The following ALDH16A1 variants were observed in gnomAD, a reference collection of about 807,000 sequenced individuals.
ALDH16A1 encodes aldehyde dehydrogenase family 16 member A1.
Under a neutral mutation model 96.1 loss-of-function variants are expected in ALDH16A1, and 88 were observed. That is an observed-to-expected ratio of 0.92 (90% confidence interval 0.77 to 1.09). ALDH16A1 has a LOEUF of 1.09. Among genes scored for constraint, ALDH16A1 ranks in the 50% least tolerant of loss-of-function variants. The probability of loss-of-function intolerance (pLI) is 0.00; values close to 1 mark genes in which losing one functional copy is unlikely to be tolerated. For synonymous variants in ALDH16A1, 522 were observed against 496.4 expected, an observed-to-expected ratio of 1.05 and a Z score of -0.69; for missense variants, 1,250 against 1,112.6, an observed-to-expected ratio of 1.12 and a Z score of -1.76.
At chr19:49,457,344 A>C (rs1205189588) in intron 1 of ALDH16A1, among the ~76,000 whole-genome samples, 2 of 151,818 alleles carry the variant, frequency 1.3e-5, no homozygotes, top group South Asian at 2.1e-4. Context: ...TCAGGAGATC[A>C]AGACCATCCT....
At position 49,465,836 on chromosome 19, in the gene ALDH16A1, G is replaced by A. The variant is rs1202810462; in HGVS notation, c.1667G>A (p.Gly556Asp). The A allele has an allele frequency of 7.4e-6, 12 of 1,614,030 alleles. No individual in the cohort carries two copies. The highest frequency in any genetic ancestry group is 4.4e-5 in the South Asian group (4 of 91,088). The change falls in exon 13 of 17, where the codon GGC becomes GAC. Residue 556 changes from glycine (G) to aspartate (D), a missense_variant. Coordinates refer to ENST00000293350, the MANE Select transcript of ALDH16A1 (RefSeq NM_153329.4). ...CGGGATTCGTCTGGCAACCTCCATGGCTACGTGGCTGAGGGTGGAGCCAAG... is the reference window on the plus strand; with the variant it reads ...CGGGATTCGTCTGGCAACCTCCATGACTACGTGGCTGAGGGTGGAGCCAAG... The part of the protein sequence containing the change: ...PIRDSSGNLH[G>D]YVAEGGAKDI...
At position 49,453,395 on chromosome 19, in the gene ALDH16A1, G is replaced by A; in HGVS notation, c.64G>A (p.Val22Met). The A allele has an allele frequency of 6.4e-7, 1 of 1,559,784 alleles. No individual in the cohort carries two copies. The highest frequency in any genetic ancestry group is 8.7e-7 in the Non-Finnish European group (1 of 1,154,512). Residue 22 changes from valine to methionine, a missense_variant, in exon 1 of 17, where the codon GTG (valine) becomes ATG (methionine). Val to Met is a conservative substitution (Grantham distance 21). Transcript: ENST00000293350. ...CTTCACCTCGCTGGAGTACGGACCGGTGCCGGAGAGCCACGCATGCGCACT... is the reference window on the plus strand; with the variant it reads ...CTTCACCTCGCTGGAGTACGGACCGATGCCGGAGAGCCACGCATGCGCACT... ...EIFTSLEYGP[V>M]PESHACALAW...
At chr19:49,460,740 C>A (rs2122382223) in intron 4 of ALDH16A1, 82 bp from the exon 5 acceptor site, 1 of 1,076,318 alleles carries the variant, frequency 9.3e-7, no homozygotes, top group Non-Finnish European at 1.4e-6. Flanking sequence ...CCTAATGTAG[C>A]CATGGGGTCT....
Position 49,466,092 on chromosome 19 carries a change from C to T in ALDH16A1, c.1747C>T (p.Gln583Ter), listed in dbSNP as rs2079195748. Residue 583 changes from glutamine (Q) to a stop codon, truncating the protein, a stop_gained, in exon 14 of 17, where the codon CAG (glutamine) becomes TAG (stop). Coordinates refer to ENST00000293350, the MANE Select transcript of ALDH16A1 (RefSeq NM_153329.4). LOFTEE classifies it high-confidence loss of function. Reference protein sequence around the residue: ...AHQAFPGWAGQSPGARAALLW... With the variant: ...AHQAFPGWAG ...GCTGTCTGCCCACAGCTGGGCGGGC[C>T]AGTCCCCAGGAGCCCGGGCAGCCCT... The T allele has an allele frequency of 1.9e-6, 3 of 1,543,868 alleles. No individual in the cohort carries two copies. Among genetic ancestry groups the T allele is most frequent in the Non-Finnish European group, 2.6e-6 (3 of 1,148,194 alleles).
At chr19:49,458,901 C>T (rs1212264431) in intron 2 of ALDH16A1, 59 bp from the exon 3 acceptor site, 6 of 1,575,870 alleles carry the variant, frequency 3.8e-6, no homozygotes, top group African/African-American at 1.4e-5. Flanking sequence ...AATCTCAGCC[C>T]CCTCCAGATA....
intron 10 of ALDH16A1, 76 bp from the exon 11 acceptor site, chr19:49,464,341 C>T (rs750214804): frequency 3.2e-5 from 51 of 1,570,516 alleles, no homozygotes; most frequent in Non-Finnish European, 4.2e-5. Flanking sequence ...GGTCGCTCCC[C>T]GCGCCTTTAA....
intron 9 of ALDH16A1, 89 bp downstream of exon 9, chr19:49,464,038 G>A (rs2079176170): frequency 7.0e-6 from 11 of 1,575,850 alleles, no homozygotes; most frequent in Admixed American, 1.8e-5. Context: ...GTAACCATGT[G>A]ACCTGGGCGT....
At chr19:49,470,261 A>G (rs2079233833) in intron 16 of ALDH16A1, 45 bp from the exon 17 acceptor site, 5 of 1,607,752 alleles carry the variant, frequency 3.1e-6, no homozygotes, top group Non-Finnish European at 4.2e-6. Context: ...GGTGCTCAGC[A>G]ACAAGCCTGC....
intron 5 of ALDH16A1, 119 bp downstream of exon 5, chr19:49,461,018 C>T (rs1476210825): frequency 1.8e-6 from 2 of 1,120,804 alleles, no homozygotes; most frequent in African/African-American, 1.5e-5. Flanking sequence ...TGGAAGGAGT[C>T]TGTGGGAGGA....
intron 7 of ALDH16A1, 81 bp downstream of exon 7, chr19:49,462,117 G>A: frequency 7.0e-7 from 1 of 1,422,926 alleles, no homozygotes; most frequent in Non-Finnish European, 9.2e-7. Flanking sequence ...CCGAGTCTCT[G>A]TTCATTTTAT....
At chr19:49,470,148 C>A in intron 16 of ALDH16A1, 158 bp from the exon 17 acceptor site, 1 of 848,156 alleles carries the variant, frequency 1.2e-6, no homozygotes, top group Non-Finnish European at 1.8e-6. Flanking sequence ...CTTTTCCCTA[C>A]CATCTGGAAG....
In ALDH16A1 at chr19:49,464,131, C is replaced by G. The variant is rs1045288160; in HGVS notation, c.1199C>G (p.Pro400Arg). ...PASPCAQVEVPWPVVVASPFR... is the reference protein window; with the variant it reads ...PASPCAQVEVRWPVVVASPFR... ...CCTCCCGGTCACCCCTTGCAGGTGC[C>G]GTGGCCTGTGGTCGTGGCCTCCCCC... is the stretch of plus-strand genomic sequence containing the variant. The change falls in exon 10 of 17, where the codon CCG (proline) becomes CGG (arginine). Residue 400 changes from proline to arginine, a missense_variant. By Grantham distance (103) the Pro-to-Arg change is moderately radical (BLOSUM62 -2). Coordinates refer to ENST00000293350, the MANE Select transcript of ALDH16A1 (RefSeq NM_153329.4). 1 of 1,607,724 alleles carries G rather than the reference C, an allele frequency of 6.2e-7. No individual in the cohort carries two copies. Among genetic ancestry groups the G allele is most frequent in the South Asian group, 1.1e-5 (1 of 90,940 alleles).
Position 49,468,960 on chromosome 19 carries a change from G to T in ALDH16A1, c.2221G>T (p.Ala741Ser). Residue 741 changes from alanine (A) to serine (S), a missense_variant, in exon 16 of 17, where the codon GCC becomes TCC. Transcript: ENST00000293350. The surrounding 1 kb of genome is among the most constrained non-coding windows in gnomAD (Gnocchi z 4.4). ...RCLALHQDVQ[A>S]MWYFGSAQGS... is the part of the protein sequence containing the mutation. ...CCTGGCCTTGCACCAAGACGTCCAG[G>T]CCATGTGGTATTTCGGATCAGCCCA... 1 of 1,613,494 alleles carries T rather than the reference G, an allele frequency of 6.2e-7. No homozygotes were observed. Among genetic ancestry groups the T allele is most frequent in the Non-Finnish European group, 8.5e-7 (1 of 1,179,646 alleles).
chr19:49,466,404 A>G, intron 14 of ALDH16A1, 121 bp downstream of exon 14: 1 of 1,096,976 alleles, frequency 9.1e-7, no homozygotes, highest in Non-Finnish European at 1.2e-6. Flanking sequence ...CGGCAGGATC[A>G]TCAGCAAGTG....
chr19:49,453,631 C>T (rs2079086471), intron 1 of ALDH16A1: 2 of 524,162 alleles, frequency 3.8e-6, no homozygotes, highest in East Asian at 3.0e-5. Context: ...CGGTCTTCCC[C>T]ACTGGTTCTC....
At chr19:49,457,984 C>T (rs760091434) in intron 1 of ALDH16A1, among the ~76,000 whole-genome samples, 2 of 152,056 alleles carry the variant, frequency 1.3e-5, no homozygotes, top group African/African-American at 2.4e-5. Context: ...GAGGCCAAGG[C>T]GTGCAGATCA....
intron 4 of ALDH16A1, 87 bp from the exon 5 acceptor site, chr19:49,460,735 T>C: frequency 1.1e-6 from 1 of 898,110 alleles, no homozygotes; most frequent in South Asian, 1.4e-5. Flanking sequence ...TTTTTCCTAA[T>C]GTAGCCATGG....
chr19:49,469,709 A>C (rs959024300), intron 16 of ALDH16A1: 1 of 150,006 alleles, frequency 6.7e-6, no homozygotes. Context: ...CAAGTAGCTG[A>C]GACTACAGGC....
rs906746044 is a variant in ALDH16A1, at chr19:49,463,780, G to A, written c.1099-74G>A. 2.0e-5 allele frequency: 29 copies of A among 1,415,260 alleles called. 1 individual carries two copies. Among genetic ancestry groups the A allele is most frequent in the Non-Finnish European group, 2.5e-5 (25 of 1,020,356 alleles). 87.7% of individuals were successfully genotyped at this position (1,415,260 alleles called of 1,614,324 possible). ...GGACTCCTGGGTCTGAGGGAGGAGG[G>A]GCTGGGGTCCTGCAGTCCTCGGTCT... On this transcript the variant is annotated intron_variant, in intron 8 of 16. Coordinates refer to ENST00000293350, the MANE Select transcript of ALDH16A1 (RefSeq NM_153329.4).
Sources: gnomAD v4.1 joint callset for allele counts (sites outside exome capture counted in the v4.1 genomes callset) on GRCh38, gnomAD v4.1.1 for gene constraint, Gnocchi (gnomAD v3.1) non-coding constraint, MANE v1.5 for transcripts, NCBI Gene and HGNC (gene_info 2026-07-23, HGNC 2026-07-21) for gene names.